Variants in SOBP observed in about 807,000 individuals in gnomAD.
The protein encoded by SOBP is sine oculis-binding protein homolog.
A neutral mutation model predicts 53.6 loss-of-function variants in SOBP; 4 were observed. That is an observed-to-expected ratio of 0.07 (90% CI 0.04 to 0.17). The LOEUF (loss-of-function observed/expected upper bound fraction) is 0.17. SOBP is among the 10% of genes least tolerant of loss of function. The pLI is 1.00. For synonymous variants in SOBP, 584 were observed against 522.6 expected (o/e 1.12, Z -1.60); for missense variants, 1,088 against 1,204.7 (o/e 0.90, Z 1.43).
intron 6 of SOBP, among the ~76,000 whole-genome samples, chr6:107,648,589 G>A (rs1771660671): frequency 6.6e-6 from 1 of 151,602 alleles, no homozygotes; most frequent in Non-Finnish European, 1.5e-5. Flanking sequence ...CAGGGTGTTA[G>A]GCCATGTATG....
intron 6 of SOBP, among the ~76,000 whole-genome samples, chr6:107,636,974 A>G (rs1024143244): frequency 6.6e-6 from 1 of 152,164 alleles, no homozygotes; most frequent in African/African-American, 2.4e-5. Context: ...CTGACTCCAG[A>G]GCTGCATTTT....
chr6:107,547,784 G>A (rs2115006446), intron 4 of SOBP, among the ~76,000 whole-genome samples: 1 of 152,312 alleles, frequency 6.6e-6, no homozygotes, highest in East Asian at 1.9e-4. Context: ...AATGCAAGCA[G>A]GTTGTTAATG....
chr6:107,633,752 C>A lies in SOBP; in HGVS notation c.908C>A (p.Pro303Gln). 6.2e-7 allele frequency: 1 copy of A among 1,614,224 alleles called. No homozygotes were observed. The highest frequency in any genetic ancestry group is 1.1e-5 in the South Asian group (1 of 91,078). Residue 303 changes from proline to glutamine, a missense_variant, in exon 6 of 7, where the codon CCG (proline) becomes CAG (glutamine). Pro to Gln is a moderately conservative substitution (Grantham distance 76, BLOSUM62 -1). Coordinates refer to ENST00000317357, the MANE Select transcript of SOBP (RefSeq NM_018013.4). ...CTCACTCCAGACTCTTGGAATATCC[C>A]GCTAACAGATGCTCGGAGGAAGGCC... Reference protein sequence around the residue: ...QLLTPDSWNIPLTDARRKAPS... With the variant: ...QLLTPDSWNIQLTDARRKAPS...
intron 6 of SOBP, among the ~76,000 whole-genome samples, chr6:107,655,757 C>T (rs2114256612): frequency 6.6e-6 from 1 of 152,202 alleles, no homozygotes; most frequent in South Asian, 2.1e-4. Flanking sequence ...CCCGTTTTAC[C>T]GAGTCTCTTG....
At chr6:107,506,202 A>C in intron 2 of SOBP, 40 bp from the exon 3 acceptor site, 4 of 1,582,224 alleles carry the variant, frequency 2.5e-6, no homozygotes, top group Non-Finnish European at 3.5e-6. Flanking sequence ...ACTGCATTAC[A>C]TTCCTTGGTC....
At chr6:107,540,603 C>G (rs1341409929) in intron 4 of SOBP, among the ~76,000 whole-genome samples, 1 of 152,226 alleles carries the variant, frequency 6.6e-6, no homozygotes, top group Non-Finnish European at 1.5e-5. Context: ...GGCTCTGCTA[C>G]AAGCTCTGTG....
In SOBP at chr6:107,634,291, G is replaced by A; in HGVS notation, c.1447G>A (p.Ala483Thr). ...PGLLPPPPPGAPLPSLPFPPV... is the reference protein window; with the variant it reads ...PGLLPPPPPGTPLPSLPFPPV... ...CCTGCTGCCCCCGCCGCCTCCGGGC[G>A]CCCCGCTGCCGAGTCTTCCCTTCCC... The change falls in exon 6 of 7, where the codon GCC becomes ACC. Residue 483 changes from alanine (A) to threonine (T), a missense_variant. Physicochemically the swap from Ala to Thr is moderately conservative, Grantham distance 58. Transcript: ENST00000317357. The surrounding 1 kb of genome is among the most constrained non-coding windows in gnomAD (Gnocchi z 4.5). The A allele has an allele frequency of 6.4e-7, 1 of 1,558,590 alleles. No individual in the cohort carries two copies. Among genetic ancestry groups the A allele is most frequent in the Non-Finnish European group, 8.6e-7 (1 of 1,159,236 alleles).
intron 3 of SOBP, among the ~76,000 whole-genome samples, chr6:107,518,894 G>T (rs890632137): frequency 6.6e-6 from 1 of 151,558 alleles, no homozygotes; most frequent in African/African-American, 2.4e-5. Flanking sequence ...AATGTAATTT[G>T]ACCTTTTTAA....
intron 3 of SOBP, among the ~76,000 whole-genome samples, 157 bp downstream of exon 3, chr6:107,506,584 A>G (rs1783000589): frequency 6.6e-6 from 1 of 152,226 alleles, no homozygotes; most frequent in Non-Finnish European, 1.5e-5. Context: ...TTAGAGTATT[A>G]CTGTTACATT....
chr6:107,633,701 A>T lies in SOBP; in HGVS notation c.857A>T (p.Lys286Ile). 1 of 1,614,168 alleles carries T rather than the reference A, an allele frequency of 6.2e-7. No homozygotes were observed. Among genetic ancestry groups the T allele is most frequent in the South Asian group, 1.1e-5 (1 of 91,072 alleles). ...ACATTACACCCTCCCATGGAAAATAAAGCAGAAGGCACCGGGGTGCAGCTG... is the reference window on the plus strand; with the variant it reads ...ACATTACACCCTCCCATGGAAAATATAGCAGAAGGCACCGGGGTGCAGCTG... ...CSTLHPPMEN[K>I]AEGTGVQLLT... The change falls in exon 6 of 7, where the codon AAA (lysine) becomes ATA (isoleucine). Residue 286 changes from lysine (K) to isoleucine (I), a missense_variant. Lys to Ile is a moderately radical substitution (Grantham distance 102). This residue lies in a region of SOBP where 211 missense variants were observed against 258.9 expected (regional missense o/e 0.82). Coordinates refer to ENST00000317357, the MANE Select transcript of SOBP (RefSeq NM_018013.4).
At chr6:107,532,014 A>G (rs1282907360) in intron 3 of SOBP, among the ~76,000 whole-genome samples, 1 of 152,126 alleles carries the variant, frequency 6.6e-6, no homozygotes, top group African/African-American at 2.4e-5. Context: ...TGGAAATGAA[A>G]TGATTGCATG....
In SOBP at chr6:107,658,297, C is replaced by T. The variant is rs1047864944; in HGVS notation, c.*94C>T. ...ATGACACCAGCTGGTCAGCTCACCACCCCCTCTGGCTAAAACTCAAGCAAA... is the reference window on the plus strand; with the variant it reads ...ATGACACCAGCTGGTCAGCTCACCATCCCCTCTGGCTAAAACTCAAGCAAA... On this transcript the variant is annotated 3_prime_UTR_variant, in exon 7 of 7. Transcript: ENST00000317357. 8 of 152,850 alleles carry T rather than the reference C, an allele frequency of 5.2e-5. No individual in the cohort carries two copies. Among genetic ancestry groups the T allele is most frequent in the African/African-American group, 1.9e-4 (8 of 41,446 alleles). 9.5% of individuals were successfully genotyped at this position (152,850 alleles called of 1,614,324 possible).
chr6:107,503,866 G>A, intron 2 of SOBP, 71 bp downstream of exon 2: 5 of 1,559,388 alleles, frequency 3.2e-6, no homozygotes, highest in Non-Finnish European at 3.5e-6. Context: ...GAATTGAGTT[G>A]CTTTGGGACT....
At position 107,490,444 on chromosome 6, in the gene SOBP, C is replaced by G; in HGVS notation, c.-173C>G. ...GACGTCCTCCGCCGCTAGAAGAGAC[C>G]CCGCTTCTCGGCGCCTGCCCTCCCC... On this transcript the variant is annotated 5_prime_UTR_variant, in exon 1 of 7. Coordinates refer to ENST00000317357, the MANE Select transcript of SOBP (RefSeq NM_018013.4). 1.7e-6 allele frequency: 1 copy of G among 582,018 alleles called. No individual in the cohort carries two copies. Among genetic ancestry groups the G allele is most frequent in the Non-Finnish European group, 3.1e-6 (1 of 327,648 alleles). The allele number at this position is 582,018 out of a possible 1,614,324, so 36.1% of individuals were successfully genotyped here. A position where few individuals can be genotyped will look rare whatever the true frequency, so the allele number is the denominator to read the frequency against.
chr6:107,557,428 C>A (rs1056115392), intron 4 of SOBP, among the ~76,000 whole-genome samples: 10 of 152,080 alleles, frequency 6.6e-5, no homozygotes, highest in African/African-American at 2.4e-4. Flanking sequence ...TCAAATTGTT[C>A]CGAAACTATT....
At chr6:107,627,660 C>A (rs990702716) in intron 5 of SOBP, among the ~76,000 whole-genome samples, 19 of 152,076 alleles carry the variant, frequency 1.2e-4, no homozygotes, top group Non-Finnish European at 2.2e-4. Context: ...AACAAAAAAA[C>A]CCAAATAAAA....
intron 3 of SOBP, among the ~76,000 whole-genome samples, chr6:107,522,314 AT>A (rs1295190843): frequency 6.6e-6 from 1 of 152,006 alleles, no homozygotes; most frequent in East Asian, 1.9e-4. Context: ...CAGTGGTCAT[AT>A]TGGTGTTTCA....
intron 4 of SOBP, among the ~76,000 whole-genome samples, chr6:107,561,575 C>G (rs563495146): frequency 6.6e-6 from 1 of 152,162 alleles, no homozygotes; most frequent in Non-Finnish European, 1.5e-5. Flanking sequence ...GAGGTGCTTT[C>G]TCTTTTGTAG....
At chr6:107,605,787 G>A (rs1309156013) in intron 5 of SOBP, among the ~76,000 whole-genome samples, 3 of 152,164 alleles carry the variant, frequency 2.0e-5, no homozygotes, top group African/African-American at 4.8e-5. Flanking sequence ...CCCACCCACC[G>A]GCAGCGGGGA....
Sources: gnomAD v4.1 joint callset for allele counts (sites outside exome capture counted in the v4.1 genomes callset) on GRCh38, gnomAD v4.1.1 for gene constraint, gnomAD v4.1.1 regional missense constraint, Gnocchi (gnomAD v3.1) non-coding constraint, MANE v1.5 for transcripts, NCBI Gene and HGNC (gene_info 2026-07-23, HGNC 2026-07-21) for gene names.